SVEP1: variants seen among roughly 807,000 people sequenced by gnomAD.
SVEP1 encodes the protein sushi, von Willebrand factor type A, EGF and pentraxin domain-containing protein 1.
A neutral mutation model predicts 367.3 loss-of-function variants in SVEP1; 164 were observed. The observed-to-expected ratio is 0.45, with a 90% CI of 0.39 to 0.51. The LOEUF is 0.51. Among genes scored for constraint, SVEP1 ranks in the 20% least tolerant of loss-of-function variants. The pLI is 0.00. For synonymous variants in SVEP1, 1,666 were observed against 1,611.6 expected (o/e 1.03, Z -0.81); for missense variants, 4,117 against 4,425.3 (o/e 0.93, Z 1.98).
chr9:110,443,890 T>G lies in SVEP1; in HGVS notation c.4464-170A>C, dbSNP rs531287964. ...TTGGTCACATTTTGTAGAAGCAGAT[T>G]TGATTTACTAATTATACTTTATTGT... is the stretch of plus-strand genomic sequence containing the variant. On this transcript the variant is annotated intron_variant, in intron 26 of 47. Coordinates refer to ENST00000374469, the MANE Select transcript of SVEP1 (RefSeq NM_153366.4). 3.9e-5 allele frequency among the ~76,000 whole-genome samples: 6 copies of G among 152,284 alleles called. No homozygotes were observed. The East Asian group carries it at 1.2e-3, about 29-fold the overall frequency.
intron 22 of SVEP1, among the ~76,000 whole-genome samples, chr9:110,454,117 T>TCAGATG (rs1486085662): frequency 2.0e-5 from 3 of 152,228 alleles, no homozygotes; most frequent in Admixed American, 2.0e-4. Flanking sequence ...TAGGCCTTTG[T>TCAGATG]CAGATGCATA....
chr9:110,379,216 C>G, intron 44 of SVEP1, 131 bp downstream of exon 44: 1 of 997,906 alleles, frequency 1.0e-6, no homozygotes, highest in Non-Finnish European at 1.4e-6. Flanking sequence ...GAAAATTACA[C>G]AGCTGCTAAA....
At chr9:110,394,883 AC>A (rs1370240554) in intron 40 of SVEP1, among the ~76,000 whole-genome samples, 1 of 152,234 alleles carries the variant, frequency 6.6e-6, no homozygotes, top group Non-Finnish European at 1.5e-5. Context: ...TGATTGGTGT[AC>A]CTGAAAGTGA....
chr9:110,407,572 C>T lies in SVEP1; in HGVS notation c.8028G>A (p.Leu2676=). ...AGGTGTATGAAACCATGGTACCATA[C>T]AGAAAGTTTGATGAATGTGTAGCAG... The part of the protein sequence containing the change: ...ESPATHSSNF[L]YGTMVSYTCN... Residue 2676 remains leucine (L), a synonymous_variant, in exon 38 of 48, where the codon CTG becomes CTA. Coordinates refer to ENST00000374469, the MANE Select transcript of SVEP1 (RefSeq NM_153366.4). The T allele has an allele frequency of 1.9e-6, 3 of 1,613,964 alleles. No individual in the cohort carries two copies. Among genetic ancestry groups the T allele is most frequent in the African/African-American group, 1.3e-5 (1 of 75,044 alleles).
rs879814000 is a variant in SVEP1 at position 110,422,698 on chromosome 9, T to C, written c.5975+4893A>G. ...ATGTTTATAGCGGCACTATTCACAATAGCAAAGACTTGGAACCAATCCAAA... is the reference window on the plus strand; with the variant it reads ...ATGTTTATAGCGGCACTATTCACAACAGCAAAGACTTGGAACCAATCCAAA... On this transcript the variant is annotated intron_variant, in intron 36 of 47. Coordinates refer to ENST00000374469, the MANE Select transcript of SVEP1 (RefSeq NM_153366.4). Among the ~76,000 whole-genome samples, 227 of 129,738 alleles carry C rather than the reference T, an allele frequency of 1.7e-3. 19 individuals carry two copies. Among genetic ancestry groups the C allele is most frequent in the Non-Finnish European group, 2.2e-3 (131 of 60,622 alleles). 85.1% of individuals were successfully genotyped at this position (129,738 alleles called of 152,430 possible).
intron 40 of SVEP1, among the ~76,000 whole-genome samples, chr9:110,396,478 A>G (rs1400346799): frequency 6.6e-6 from 1 of 152,182 alleles, no homozygotes; most frequent in Non-Finnish European, 1.5e-5. Flanking sequence ...AGCTAGCAGA[A>G]GGCAAGAAAT....
rs768876061 is a variant in SVEP1 at position 110,483,551 on chromosome 9, C to T, written c.2038+35G>A. 1.9e-5 allele frequency: 28 copies of T among 1,501,614 alleles called. No homozygotes were observed. In the Middle Eastern group the frequency reaches 5.2e-4, roughly 28 times the overall value. 93.0% of individuals were successfully genotyped at this position (1,501,614 alleles called of 1,614,324 possible). A position where few individuals can be genotyped will look rare whatever the true frequency, so the allele number is the denominator to read the frequency against. The stretch of plus-strand genomic sequence containing the variant: ...TTTTAAAATAAAAAAGAATTCATTG[C>T]TACTATGCTGACAACAAAGTCCTTG... On this transcript the variant is annotated intron_variant, in intron 10 of 47. Coordinates refer to ENST00000374469, the MANE Select transcript of SVEP1 (RefSeq NM_153366.4).
intron 2 of SVEP1, among the ~76,000 whole-genome samples, chr9:110,546,672 G>A (rs777296269): frequency 2.0e-5 from 3 of 152,180 alleles, no homozygotes; most frequent in Non-Finnish European, 2.9e-5. Context: ...TCAGGCCCCA[G>A]CAACGAGTCC....
At position 110,425,562 on chromosome 9, in the gene SVEP1, T is replaced by C. The variant is rs115258976; in HGVS notation, c.5975+2029A>G. Among the ~76,000 whole-genome samples, 1,025 of 152,342 alleles carry C rather than the reference T, an allele frequency of 6.7e-3. 9 individuals carry two copies. Among genetic ancestry groups the C allele is most frequent in the African/African-American group, 0.023 (973 of 41,580 alleles). ...TACTTCTTCTGCCAAACTCCATCTT[T>C]GTAGAAGGAAGTACATGAGATGATT... On this transcript the variant is annotated intron_variant, in intron 36 of 47. Coordinates refer to ENST00000374469, the MANE Select transcript of SVEP1 (RefSeq NM_153366.4).
intron 3 of SVEP1, among the ~76,000 whole-genome samples, chr9:110,530,783 C>T (rs887632432): frequency 2.6e-5 from 4 of 152,126 alleles, no homozygotes; most frequent in African/African-American, 9.7e-5. Flanking sequence ...GCAATTCTCA[C>T]ACCTCAGCCT....
chr9:110,534,966 G>A (rs1312694853), intron 3 of SVEP1, among the ~76,000 whole-genome samples: 1 of 151,920 alleles, frequency 6.6e-6, no homozygotes, highest in African/African-American at 2.4e-5. Context: ...CATTCTGTAG[G>A]CTGTCTGTTT....
At chr9:110,375,078 CTG>C (rs1827329676) in intron 46 of SVEP1, among the ~76,000 whole-genome samples, 1 of 151,712 alleles carries the variant, frequency 6.6e-6, no homozygotes, top group Non-Finnish European at 1.5e-5. Flanking sequence ...TTCTGAACCT[CTG>C]TGTAATGTCT....
At chr9:110,536,765 T>C (rs1047994525) in intron 3 of SVEP1, among the ~76,000 whole-genome samples, 1 of 152,004 alleles carries the variant, frequency 6.6e-6, no homozygotes, top group African/African-American at 2.4e-5. Context: ...GTTACATATG[T>C]ATACATGTGC....
chr9:110,563,891 C>T (rs1427946271), intron 1 of SVEP1, among the ~76,000 whole-genome samples: 2 of 152,142 alleles, frequency 1.3e-5, no homozygotes, highest in Non-Finnish European at 2.9e-5. Flanking sequence ...TACCTGTCTA[C>T]TGGTAATAAA....
intron 24 of SVEP1, among the ~76,000 whole-genome samples, chr9:110,448,376 AGTTAAT>A: frequency 6.6e-6 from 1 of 152,242 alleles, no homozygotes; most frequent in Admixed American, 6.5e-5. Flanking sequence ...AATAAATGCG[AGTTAAT>A]GTTATTGTTA....
At chr9:110,538,601 G>A (rs1370489694) in intron 3 of SVEP1, among the ~76,000 whole-genome samples, 4 of 152,008 alleles carry the variant, frequency 2.6e-5, no homozygotes, top group African/African-American at 7.2e-5. Flanking sequence ...TTTCTATTTC[G>A]ATAGTGTTTC....
At chr9:110,561,391 G>A (rs562994212) in intron 1 of SVEP1, among the ~76,000 whole-genome samples, 4 of 152,142 alleles carry the variant, frequency 2.6e-5, no homozygotes, top group South Asian at 4.1e-4. Context: ...ATCCCAAGTC[G>A]GATGGCAAGA....
chr9:110,525,427 T>C (rs1330284931), intron 3 of SVEP1, among the ~76,000 whole-genome samples: 1 of 152,158 alleles, frequency 6.6e-6, no homozygotes, highest in Non-Finnish European at 1.5e-5. Context: ...GAAAAGGAAA[T>C]CAAATATCTA....
intron 1 of SVEP1, among the ~76,000 whole-genome samples, chr9:110,553,110 T>C (rs988511326): frequency 6.6e-5 from 10 of 152,148 alleles, no homozygotes; most frequent in East Asian, 1.9e-4. Flanking sequence ...ATCATGACTA[T>C]TGATGAGACA....
Sources: allele counts gnomAD v4.1 joint callset (sites outside exome capture counted in the v4.1 genomes callset), GRCh38; gene constraint gnomAD v4.1.1; transcripts MANE v1.5; gene names NCBI Gene and HGNC (gene_info 2026-07-23, HGNC 2026-07-21).